The following COPZ2 variants were observed in gnomAD, a reference collection of about 807,000 sequenced individuals.
The protein encoded by COPZ2 is coat protein complex I subunit zeta 2, also known as coatomer subunit zeta-2.
In COPZ2, 30 loss-of-function variants were observed where a neutral mutation model predicts 33.2. That is an observed-to-expected ratio of 0.90 (90% CI 0.68 to 1.23). The LOEUF (loss-of-function observed/expected upper bound fraction) is 1.23, where lower values mean the gene tolerates loss of function less well. COPZ2 is among the 50% of genes most tolerant of loss of function. COPZ2 has a pLI of 0.00. For synonymous variants in COPZ2, 89 were observed against 102.6 expected, an observed-to-expected ratio of 0.87 and a Z score of 0.80; for missense variants, 263 against 262.4, an observed-to-expected ratio of 1.00 and a Z score of -0.02.
At chr17:48,042,517 A>G (rs1384988356), upstream of COPZ2, among the ~76,000 whole-genome samples, 1 of 152,026 alleles carries the variant, frequency 6.6e-6, no homozygotes, top group Non-Finnish European at 1.5e-5. Context: ...GCTGGAGTGC[A>G]GTAGCACGAT....
chr17:48,026,386 GGGAAAT>G lies in COPZ2; in HGVS notation c.*36_*41del. 2 of 1,527,034 alleles carry G rather than the reference GGGAAAT, an allele frequency of 1.3e-6. No homozygotes were observed. 94.6% of individuals were successfully genotyped at this position (1,527,034 alleles called of 1,614,324 possible). On this transcript the variant is annotated 3_prime_UTR_variant, in exon 9 of 9. Transcript: ENST00000621465. ...GATCTTTGGGCTTTTGCCAGGATTGGGGAAATGATCTGGGGGGCAGGGAGCCTTGAA... is the reference window on the plus strand; with the variant it reads ...GATCTTTGGGCTTTTGCCAGGATTGGGATCTGGGGGGCAGGGAGCCTTGAA...
At chr17:48,033,178 A>G in intron 4 of COPZ2, 33 bp downstream of exon 4, 1 of 1,396,044 alleles carries the variant, frequency 7.2e-7, no homozygotes, top group East Asian at 2.3e-5. Flanking sequence ...CCATAGACAG[A>G]CCCTTCTTAC....
chr17:48,036,591 T>C (rs967558877), intron 2 of COPZ2, among the ~76,000 whole-genome samples: 1 of 152,162 alleles, frequency 6.6e-6, no homozygotes, highest in Non-Finnish European at 1.5e-5. Flanking sequence ...ACTGACCCAT[T>C]AGGCAGAACC....
chr17:48,043,618 TTC>T, the COPZ2 span: 2 of 953,676 alleles, frequency 2.1e-6, no homozygotes, highest in Non-Finnish European at 2.5e-6. Context: ...GCCTTTGGCT[TTC>T]TCTGAGATAA....
chr17:48,042,928 G>A (rs868675241), upstream of COPZ2, among the ~76,000 whole-genome samples: 1 of 152,200 alleles, frequency 6.6e-6, no homozygotes, highest in South Asian at 2.1e-4. Context: ...CACACATCCT[G>A]AAGTGCACCT....
intron 4 of COPZ2, 174 bp downstream of exon 4, chr17:48,033,037 G>A (rs545818857): frequency 9.9e-6 from 6 of 603,688 alleles, no homozygotes; most frequent in South Asian, 6.0e-5. Context: ...AAGGGGCATC[G>A]AAGATACACA....
At chr17:48,041,286 A>G (rs2144323656), upstream of COPZ2, among the ~76,000 whole-genome samples, 1 of 152,258 alleles carries the variant, frequency 6.6e-6, no homozygotes, top group South Asian at 2.1e-4. Context: ...CATGGAACTT[A>G]CAATCAAGTG....
At chr17:48,026,522 G>A in intron 8 of COPZ2, 47 bp from the exon 9 acceptor site, 2 of 1,392,286 alleles carry the variant, frequency 1.4e-6, no homozygotes, top group East Asian at 2.3e-5. Flanking sequence ...AATGTCAAAT[G>A]CCTCCATACA....
At chr17:48,030,705 GCTTCCCCAGTTTTTCTT>G (rs2036883375) in intron 6 of COPZ2, among the ~76,000 whole-genome samples, 1 of 152,224 alleles carries the variant, frequency 6.6e-6, no homozygotes, top group Non-Finnish European at 1.5e-5. Flanking sequence ...CCCGACTGGC[GCTTCCCCAGTTTTTCTT>G]GGCAGGAAAC....
chr17:48,034,763 A>C (rs961058249), intron 2 of COPZ2, among the ~76,000 whole-genome samples: 13 of 152,018 alleles, frequency 8.6e-5, no homozygotes, highest in South Asian at 4.2e-4. Context: ...CGGGTGGATC[A>C]CCTGAGGTCA....
chr17:48,030,785 T>TCC (rs995726561), intron 6 of COPZ2, among the ~76,000 whole-genome samples: 3 of 152,240 alleles, frequency 2.0e-5, no homozygotes, highest in African/African-American at 7.2e-5. Flanking sequence ...ACCTCAGGCA[T>TCC]CCTCCTTTGC....
chr17:48,028,358 C>G lies in COPZ2; in HGVS notation c.585+114G>C. 1 of 1,093,526 alleles carries G rather than the reference C, an allele frequency of 9.1e-7. No homozygotes were observed. Among genetic ancestry groups the G allele is most frequent in the Non-Finnish European group, 1.3e-6 (1 of 769,352 alleles). 67.7% of individuals were successfully genotyped at this position (1,093,526 alleles called of 1,614,324 possible). Reference sequence around the variant, plus strand: ...CTGCCTCATCCCTTCCCTTCTCACCCCTGATTTTTCAGACTTGATAACTTC... The same window carrying G: ...CTGCCTCATCCCTTCCCTTCTCACCGCTGATTTTTCAGACTTGATAACTTC... On this transcript the variant is annotated intron_variant, in intron 8 of 8. Coordinates refer to ENST00000621465, the MANE Select transcript of COPZ2 (RefSeq NM_016429.4). The surrounding 1 kb of genome is among the most constrained non-coding windows in gnomAD (Gnocchi z 4.5).
At chr17:48,046,549 G>A in the COPZ2 span, 2 of 152,214 alleles carry the variant, frequency 1.3e-5, no homozygotes, top group African/African-American at 4.8e-5. Flanking sequence ...GTGCTACTGT[G>A]AGCCACTGCG....
At chr17:48,043,281 C>G in the COPZ2 span, among the ~76,000 whole-genome samples, 1,626 of 152,300 alleles carry the variant, frequency 0.011, 10 homozygotes, top group Middle Eastern at 0.044. Context: ...GCAGGTGATT[C>G]AAAGCAGGTT....
At position 48,032,719 on chromosome 17, in the gene COPZ2, G is replaced by A; in HGVS notation, c.383C>T (p.Thr128Ile). ...GTGGTTCAGAGACTCAAACAGGCAG[G>A]TGAGAACAGACATGAGCATCAGCTG... ...ENELMLMSVLTCLFESLNHML... is the reference protein window; with the variant it reads ...ENELMLMSVLICLFESLNHML... Residue 128 changes from threonine (T) to isoleucine (I), a missense_variant, in exon 5 of 9, where the codon ACC becomes ATC. Thr to Ile is a moderately conservative substitution (Grantham distance 89, BLOSUM62 -1). Transcript: ENST00000621465. 6.3e-7 allele frequency: 1 copy of A among 1,594,344 alleles called. No homozygotes were observed. The highest frequency in any genetic ancestry group is 8.5e-7 in the Non-Finnish European group (1 of 1,170,420).
chr17:48,031,377 G>A (rs908951893), intron 6 of COPZ2, among the ~76,000 whole-genome samples: 28 of 151,904 alleles, frequency 1.8e-4, no homozygotes, highest in African/African-American at 6.3e-4. Context: ...GTGTGAACCC[G>A]GGAGGTGGAG....
At chr17:48,037,967 C>T (rs970527700), upstream of COPZ2, 8 of 615,746 alleles carry the variant, frequency 1.3e-5, no homozygotes, top group Non-Finnish European at 1.6e-5. This position sits in a 1 kb window ranked among gnomAD's most constrained non-coding sequence, Gnocchi z 5.6. Context: ...TCTCCTCTCC[C>T]TCTCTCCTCC....
chr17:48,034,005 T>C (rs1026444947), intron 2 of COPZ2, 61 bp from the exon 3 acceptor site: 16 of 1,254,026 alleles, frequency 1.3e-5, no homozygotes, highest in Middle Eastern at 4.1e-4. Flanking sequence ...CCTCCCTAGA[T>C]TGGGGGGCAG....
At chr17:48,045,980 C>T in the COPZ2 span, 1 of 152,200 alleles carries the variant, frequency 6.6e-6, no homozygotes, top group Non-Finnish European at 1.5e-5. Flanking sequence ...GGAAGACAGT[C>T]TTTCTGTCTC....
Sources: gnomAD v4.1 joint callset for allele counts (sites outside exome capture counted in the v4.1 genomes callset) on GRCh38, gnomAD v4.1.1 for gene constraint, Gnocchi (gnomAD v3.1) non-coding constraint, MANE v1.5 for transcripts, NCBI Gene and HGNC (gene_info 2026-07-23, HGNC 2026-07-21) for gene names.